NPM2: variants seen among roughly 807,000 people sequenced by gnomAD.
The protein encoded by NPM2 is nucleophosmin/nucleoplasmin 2.
NPM2 carries 25 observed loss-of-function variants against 32.0 expected under a neutral mutation model. That is an observed-to-expected ratio of 0.78 (90% CI 0.57 to 1.09). The LOEUF (loss-of-function observed/expected upper bound fraction) is 1.09, where lower values mean the gene tolerates loss of function less well. Ranked by LOEUF, NPM2 falls within the 50% of genes least tolerant of loss-of-function variation. The probability of loss-of-function intolerance (pLI) is 0.00; values close to 1 mark genes in which losing one functional copy is unlikely to be tolerated. For missense variants in NPM2, 282 were observed against 259.9 expected (o/e 1.08, Z -0.58); for synonymous variants, 111 against 94.2 (o/e 1.18, Z -1.04).
chr8:22,025,337 A>G, intron 3 of NPM2, 31 bp downstream of exon 3: 3 of 1,601,094 alleles, frequency 1.9e-6, no homozygotes, highest in South Asian at 1.1e-5. Context: ...CTTCCCAGAG[A>G]CACGCCCCAC....
Position 22,034,535 on chromosome 8 carries a change from A to G in NPM2, c.557A>G (p.Glu186Gly), listed in dbSNP as rs1238812599. The change falls in exon 8 of 10, where the codon GAG becomes GGG. Residue 186 changes from glutamate (E) to glycine (G), a missense_variant. By Grantham distance (98) the Glu-to-Gly change is moderately conservative (BLOSUM62 -2). Transcript: ENST00000518119. ...AKKKKLEKEE[E>G]EIRASVRDKS... is the part of the protein sequence containing the mutation. ...AAAAAAAAGCTGGAAAAAGAAGAAGAGGAAATAAGGTAACTCTTTCTACCT... is the reference window on the plus strand; with the variant it reads ...AAAAAAAAGCTGGAAAAAGAAGAAGGGGAAATAAGGTAACTCTTTCTACCT... 3.7e-6 allele frequency: 6 copies of G among 1,611,406 alleles called. No individual in the cohort carries two copies. Among genetic ancestry groups the G allele is most frequent in the Non-Finnish European group, 4.2e-6 (5 of 1,177,902 alleles).
rs777315697 is a variant in NPM2, at chr8:22,025,823, C to T, written c.270+51C>T. On this transcript the variant is annotated intron_variant, in intron 5 of 9. Coordinates refer to ENST00000518119, the MANE Select transcript of NPM2 (RefSeq NM_001286680.2). ...GACTGCTGTCAGCCTCACCCTCACC[C>T]TTGGGTGGGGATGGACACACACGAG... 40 of 1,611,208 alleles carry T rather than the reference C, an allele frequency of 2.5e-5. No homozygotes were observed. In the East Asian group the frequency reaches 8.5e-4, roughly 34 times the overall value.
intron 5 of NPM2, among the ~76,000 whole-genome samples, chr8:22,029,703 A>G (rs1444833322): frequency 6.6e-6 from 1 of 152,220 alleles, no homozygotes; most frequent in Non-Finnish European, 1.5e-5. Context: ...GTCTGGAAAT[A>G]TCATGATTTT....
intron 5 of NPM2, 107 bp downstream of exon 5, chr8:22,025,879 C>G (rs1279147890): frequency 6.6e-7 from 1 of 1,508,942 alleles, no homozygotes; most frequent in African/African-American, 1.4e-5. Flanking sequence ...ATGAGCCATG[C>G]TAGGGAGGTA....
rs1241028398 is a variant in NPM2, at chr8:22,024,580, C to T, written c.-184C>T. ...CCACCCAGACCGACGCCAAGGGCAG[C>T]TGTGGAGTGGGGCGCGGCAATGCGC... is the stretch of plus-strand genomic sequence containing the variant. On this transcript the variant is annotated 5_prime_UTR_variant, in exon 1 of 10. Coordinates refer to ENST00000518119, the MANE Select transcript of NPM2 (RefSeq NM_001286680.2). 1 of 152,510 alleles carries T rather than the reference C, an allele frequency of 6.6e-6. No individual in the cohort carries two copies. The highest frequency in any genetic ancestry group is 1.5e-5 in the Non-Finnish European group (1 of 68,258). The allele number at this position is 152,510 out of a possible 1,614,324, so 9.4% of individuals were successfully genotyped here. A position where few individuals can be genotyped will look rare whatever the true frequency, so the allele number is the denominator to read the frequency against.
chr8:22,035,186 C>T (rs1387685876), intron 8 of NPM2, among the ~76,000 whole-genome samples: 2 of 152,232 alleles, frequency 1.3e-5, no homozygotes, highest in Non-Finnish European at 2.9e-5. Context: ...ACCAATATAA[C>T]AATTCACTAA....
intron 6 of NPM2, among the ~76,000 whole-genome samples, chr8:22,033,428 GC>G (rs1397742497): frequency 6.6e-6 from 1 of 152,190 alleles, no homozygotes; most frequent in East Asian, 1.9e-4. Context: ...TCTGTAGGCT[GC>G]AGCCCCTCAC....
chr8:22,026,169 G>T (rs1800245780), intron 5 of NPM2, among the ~76,000 whole-genome samples: 1 of 152,240 alleles, frequency 6.6e-6, no homozygotes, highest in South Asian at 2.1e-4. Flanking sequence ...GTGCGTGCGA[G>T]GGGTCTAGGT....
intron 3 of NPM2, 45 bp from the exon 4 acceptor site, chr8:22,025,390 TG>T (rs1800206404): frequency 6.2e-7 from 1 of 1,606,702 alleles, no homozygotes; most frequent in South Asian, 1.1e-5. Flanking sequence ...GCCCCTCCTT[TG>T]GGAACGAATG....
At chr8:22,028,906 G>A (rs1004376021) in intron 5 of NPM2, among the ~76,000 whole-genome samples, 1 of 152,106 alleles carries the variant, frequency 6.6e-6, no homozygotes, top group African/African-American at 2.4e-5. Context: ...TTTGTGGCAT[G>A]TACTTTGTAC....
chr8:22,034,252 C>T lies in NPM2; in HGVS notation c.508C>T (p.Gln170Ter). The T allele has an allele frequency of 1.1e-5, 17 of 1,599,848 alleles. No homozygotes were observed. The highest frequency in any genetic ancestry group is 1.4e-5 in the Non-Finnish European group (16 of 1,173,178). ...CAAACAAGTCAAAAGGCTGGTGCCC[C>T]AGAAGCAGGCGAGCGTGGCTAAGGT... ...PVKQVKRLVP[Q>*]KQASVAKKKK... Residue 170 changes from glutamine (Q) to a stop codon, truncating the protein, a stop_gained, in exon 7 of 10, where the codon CAG (glutamine) becomes TAG (stop). Transcript: ENST00000518119. LOFTEE classifies it high-confidence loss of function.
In NPM2 at chr8:22,034,179, T is replaced by TGATGAG. The variant is rs753868477; in HGVS notation, c.446_451dup (p.Glu149_Asp150dup). The TGATGAG allele has an allele frequency of 3.7e-6, 6 of 1,612,058 alleles. No individual in the cohort carries two copies. The South Asian group carries it at 5.5e-5, about 15-fold the overall frequency. On this transcript the variant is annotated inframe_insertion, in exon 7 of 10. Coordinates refer to ENST00000518119, the MANE Select transcript of NPM2 (RefSeq NM_001286680.2). ...AGGAGGAGGAAGAGGAAGAGGAAGA[T>TGATGAG]GATGAGGATGAGGATGCAGATATAT...
At chr8:22,031,843 T>C (rs1800452787) in intron 5 of NPM2, among the ~76,000 whole-genome samples, 1 of 152,222 alleles carries the variant, frequency 6.6e-6, no homozygotes, top group African/African-American at 2.4e-5. Context: ...CCTGTCTTCA[T>C]TTCTTTTTTC....
In NPM2 at chr8:22,036,734, C is replaced by A; in HGVS notation, c.*52C>A. On this transcript the variant is annotated 3_prime_UTR_variant, in exon 10 of 10. Transcript: ENST00000518119. ...CAAAGTGGGCCTTCCCTGGGCTGTG[C>A]TGCAGGCACAGGGTGCCCCTGTCCA... The A allele has an allele frequency of 6.6e-7, 1 of 1,504,244 alleles. No homozygotes were observed. The highest frequency in any genetic ancestry group is 8.9e-7 in the Non-Finnish European group (1 of 1,125,340). 93.2% of individuals were successfully genotyped at this position (1,504,244 alleles called of 1,614,324 possible). A position where few individuals can be genotyped will look rare whatever the true frequency, so the allele number is the denominator to read the frequency against.
chr8:22,034,197 A>G lies in NPM2; in HGVS notation c.453A>G (p.Ala151=), dbSNP rs1162896184. The G allele has an allele frequency of 6.2e-7, 1 of 1,612,966 alleles. No homozygotes were observed. The highest frequency in any genetic ancestry group is 1.3e-5 in the African/African-American group (1 of 74,916). The change falls in exon 7 of 10, where the codon GCA becomes GCG. Residue 151 remains alanine, a synonymous_variant. Transcript: ENST00000518119. ...AGGAAGATGATGAGGATGAGGATGCAGATATATCTCTGGAGGAGCAAAGCC... is the reference window on the plus strand; with the variant it reads ...AGGAAGATGATGAGGATGAGGATGCGGATATATCTCTGGAGGAGCAAAGCC... ...EEEEDDEDED[A]DISLEEQSPV...
At chr8:22,024,937 G>T (rs767808268) in intron 2 of NPM2, 107 bp downstream of exon 2, 15 of 405,614 alleles carry the variant, frequency 3.7e-5, no homozygotes, top group Non-Finnish European at 6.1e-5. Context: ...GCGCAGCCAG[G>T]TGACCTCCCC....
At chr8:22,025,916 C>T in intron 5 of NPM2, 144 bp downstream of exon 5, 1 of 1,213,858 alleles carries the variant, frequency 8.2e-7, no homozygotes, top group South Asian at 1.4e-5. Flanking sequence ...AAGCCGGGGT[C>T]CAGCCCAGCT....
At chr8:22,027,973 A>G (rs1175289220) in intron 5 of NPM2, among the ~76,000 whole-genome samples, 3 of 151,956 alleles carry the variant, frequency 2.0e-5, no homozygotes, top group Non-Finnish European at 2.9e-5. Context: ...CCCCCATCTT[A>G]TACCCCAATG....
In NPM2 at chr8:22,032,274, A is replaced by G. The variant is rs558968340; in HGVS notation, c.271-856A>G. 1.4e-4 allele frequency among the ~76,000 whole-genome samples: 21 copies of G among 152,366 alleles called. No individual in the cohort carries two copies. In the South Asian group the frequency reaches 4.3e-3, roughly 32 times the overall value. On this transcript the variant is annotated intron_variant, in intron 5 of 9. Coordinates refer to ENST00000518119, the MANE Select transcript of NPM2 (RefSeq NM_001286680.2). ...TTACTATCGACTGACAATTATGGTT[A>G]GCACTTTAATATATTTTAAACCTTT... is the stretch of plus-strand genomic sequence containing the variant.
Sources: gnomAD v4.1 joint callset for allele counts (sites outside exome capture counted in the v4.1 genomes callset) on GRCh38, gnomAD v4.1.1 for gene constraint, MANE v1.5 for transcripts, NCBI Gene and HGNC (gene_info 2026-07-23, HGNC 2026-07-21) for gene names.